Variants in GSE1 observed in about 807,000 individuals in gnomAD.
GSE1 encodes genetic suppressor element 1.
GSE1 carries 32 observed loss-of-function variants against 112.6 expected under a neutral mutation model. The ratio of observed to expected loss-of-function variants is 0.28; its 90% CI spans 0.21 to 0.38. The LOEUF (loss-of-function observed/expected upper bound fraction) is 0.38. GSE1 is among the 10% of genes least tolerant of loss of function. The pLI is 1.00. For synonymous variants in GSE1, 1,115 were observed against 735.6 expected (o/e 1.52, Z -8.35); for missense variants, 2,348 against 1,699.2 (o/e 1.38, Z -6.71).
intron 1 of GSE1, among the ~76,000 whole-genome samples, chr16:85,617,716 C>T (rs1017609263): frequency 6.6e-6 from 1 of 151,698 alleles, no homozygotes; most frequent in Non-Finnish European, 1.5e-5. Flanking sequence ...AATGCTTGGC[C>T]CCCCTAATCC....
chr16:85,183,138 T>A (rs1161586404), intron 1 of GSE1, among the ~76,000 whole-genome samples: 1 of 151,998 alleles, frequency 6.6e-6, no homozygotes, highest in African/African-American at 2.4e-5. Flanking sequence ...CACCGCCACA[T>A]TCGCACTCAT....
chr16:85,637,491 A>G (rs1241241350), intron 2 of GSE1, among the ~76,000 whole-genome samples: 1 of 150,874 alleles, frequency 6.6e-6, no homozygotes, highest in Non-Finnish European at 1.5e-5. Flanking sequence ...GTGGCTATGT[A>G]TCGAGTCCCC....
chr16:85,613,517 C>T (rs1324687938), intron 1 of GSE1, 119 bp downstream of exon 1: 2 of 933,324 alleles, frequency 2.1e-6, no homozygotes, highest in Non-Finnish European at 3.2e-6. Context: ...GCAACTTCCC[C>T]GGAGTGTTAG....
intron 1 of GSE1, among the ~76,000 whole-genome samples, chr16:85,344,379 C>T (rs1360079687): frequency 6.6e-6 from 1 of 152,316 alleles, no homozygotes; most frequent in East Asian, 1.9e-4. Context: ...CGAGCGGGGT[C>T]CTGCCCGGGG....
intron 1 of GSE1, among the ~76,000 whole-genome samples, chr16:85,319,509 CT>C (rs2046054886): frequency 6.6e-6 from 1 of 152,190 alleles, no homozygotes; most frequent in Non-Finnish European, 1.5e-5. Context: ...GGCTGATGAG[CT>C]CCCTGTGTGA....
At chr16:85,302,513 G>A (rs1002681935) in intron 1 of GSE1, among the ~76,000 whole-genome samples, 9 of 152,008 alleles carry the variant, frequency 5.9e-5, no homozygotes, top group African/African-American at 2.2e-4. Context: ...ACAGTAGGAG[G>A]GGGCTGGGCT....
chr16:85,186,828 G>A (rs187968176), intron 1 of GSE1, among the ~76,000 whole-genome samples: 223 of 152,282 alleles, frequency 1.5e-3, no homozygotes, highest in Non-Finnish European at 1.8e-3. Flanking sequence ...ATACAGTAAG[G>A]ATGATGATGA....
chr16:85,245,822 A>G (rs919183928), intron 1 of GSE1, among the ~76,000 whole-genome samples: 1 of 152,082 alleles, frequency 6.6e-6, no homozygotes, highest in African/African-American at 2.4e-5. Context: ...AGGTGGCACC[A>G]AAACCCAACC....
In GSE1 at chr16:85,208,917, G is replaced by A. The variant is rs1002347753; in HGVS notation, c.2283+37110G>A. Among the ~76,000 whole-genome samples, 5 of 143,442 alleles carry A rather than the reference G, an allele frequency of 3.5e-5. 1 individual carries two copies. Among genetic ancestry groups the A allele is most frequent in the Admixed American group, 2.1e-4 (3 of 14,400 alleles). 94.1% of individuals were successfully genotyped at this position (143,442 alleles called of 152,430 possible). ...TTTGCCGTGTGTTGGGGTTTGCCAC[G>A]TGTCGGGGTTCGCCTGTGTTGGGGT... On this transcript the variant is annotated intron_variant, in intron 1 of 2. Transcript: ENST00000637419.
At chr16:85,291,667 T>C (rs1354641747) in intron 1 of GSE1, among the ~76,000 whole-genome samples, 2 of 152,118 alleles carry the variant, frequency 1.3e-5, no homozygotes, top group African/African-American at 4.8e-5. Flanking sequence ...AGAGCCCAGC[T>C]GGGCCCCTGA....
rs77925731 is a variant in GSE1, at chr16:85,487,900, G to T, written c.2464+130257G>T. Among the ~76,000 whole-genome samples, 1,325 of 152,290 alleles carry T rather than the reference G, an allele frequency of 8.7e-3. 24 individuals are homozygous for T. The highest frequency in any genetic ancestry group is 0.03 in the African/African-American group (1,243 of 41,550). Reference sequence around the variant, plus strand: ...CCTGGCCTCACAAAGGGTGGTTCGGGGCAAGGGTGACCCACCCATCACTGA... The same window carrying T: ...CCTGGCCTCACAAAGGGTGGTTCGGTGCAAGGGTGACCCACCCATCACTGA... On this transcript the variant is annotated intron_variant, in intron 2 of 2. Transcript: ENST00000637419.
chr16:85,336,483 G>C (rs1318499749), intron 1 of GSE1, among the ~76,000 whole-genome samples: 1 of 152,220 alleles, frequency 6.6e-6, no homozygotes, highest in African/African-American at 2.4e-5. Context: ...CTGCAGCCTT[G>C]GTGGCTCGGG....
intron 1 of GSE1, among the ~76,000 whole-genome samples, chr16:85,310,256 G>C (rs991589764): frequency 6.6e-6 from 1 of 152,352 alleles, no homozygotes; most frequent in Admixed American, 6.5e-5. Flanking sequence ...TGTAACTGCT[G>C]TGGGCCTCAC....
intron 1 of GSE1, among the ~76,000 whole-genome samples, chr16:85,238,068 T>C (rs1474779958): frequency 6.6e-6 from 1 of 152,056 alleles, no homozygotes; most frequent in Non-Finnish European, 1.5e-5. Flanking sequence ...AGGAGGGCAG[T>C]GAGGAGCTGA....
At chr16:85,641,729 C>T (rs971370353) in intron 2 of GSE1, among the ~76,000 whole-genome samples, 4 of 152,246 alleles carry the variant, frequency 2.6e-5, no homozygotes, top group African/African-American at 7.2e-5. Context: ...TTGGCTCTTT[C>T]CTCTGGGGTC....
Position 85,466,052 on chromosome 16 carries a change from T to C in GSE1, c.2464+108409T>C, listed in dbSNP as rs1227905345. On this transcript the variant is annotated intron_variant, in intron 2 of 2. Transcript: ENST00000637419. Reference sequence around the variant, plus strand: ...TGTGGACCCAGCCTAAGAGCTTAGCTTTTCCTTTGGGGCCCAGAGGGCAGG... The same window carrying C: ...TGTGGACCCAGCCTAAGAGCTTAGCCTTTCCTTTGGGGCCCAGAGGGCAGG... Among the ~76,000 whole-genome samples, 5 of 152,204 alleles carry C rather than the reference T, an allele frequency of 3.3e-5. No homozygotes were observed. In the South Asian group the frequency reaches 6.2e-4, roughly 19 times the overall value.
At chr16:85,232,068 C>A (rs1036305577) in intron 1 of GSE1, among the ~76,000 whole-genome samples, 2 of 152,212 alleles carry the variant, frequency 1.3e-5, no homozygotes, top group African/African-American at 4.8e-5. Flanking sequence ...AGAGGCGGTG[C>A]TGGGGAGACA....
intron 1 of GSE1, among the ~76,000 whole-genome samples, chr16:85,588,812 C>G (rs2046829979): frequency 6.6e-6 from 1 of 152,108 alleles, no homozygotes; most frequent in Non-Finnish European, 1.5e-5. Context: ...TGAGGACAGC[C>G]CAGATAAGCA....
intron 1 of GSE1, among the ~76,000 whole-genome samples, chr16:85,310,737 G>C (rs896204845): frequency 2.6e-5 from 4 of 151,888 alleles, no homozygotes; most frequent in African/African-American, 9.7e-5. Context: ...AGCGCACCCA[G>C]TCAAGGTCCA....
Sources: allele counts gnomAD v4.1 joint callset (sites outside exome capture counted in the v4.1 genomes callset), GRCh38; gene constraint gnomAD v4.1.1; transcripts MANE v1.5; gene names NCBI Gene and HGNC (gene_info 2026-07-23, HGNC 2026-07-21).